KCND2: variants seen among roughly 807,000 people sequenced by gnomAD.
KCND2 encodes A-type voltage-gated potassium channel KCND2.
Under a neutral mutation model 54.4 loss-of-function variants are expected in KCND2, and 16 were observed. The observed-to-expected ratio is 0.29, with a 90% confidence interval of 0.20 to 0.45. The LOEUF is 0.45. Ranked by LOEUF, KCND2 falls within the 20% of genes least tolerant of loss-of-function variation. The pLI is 1.00. For synonymous variants in KCND2, 317 were observed against 310.7 expected, an observed-to-expected ratio of 1.02 and a Z score of -0.21; for missense variants, 486 against 824.2, an observed-to-expected ratio of 0.59 and a Z score of 5.02.
At chr7:120,500,223 G>C (rs773800281) in intron 1 of KCND2, among the ~76,000 whole-genome samples, 12 of 152,168 alleles carry the variant, frequency 7.9e-5, no homozygotes, top group Non-Finnish European at 1.2e-4. Context: ...TAGTCCAGAA[G>C]TGGGAAGTGA....
At chr7:120,348,547 G>A (rs1800357625) in intron 1 of KCND2, among the ~76,000 whole-genome samples, 1 of 152,108 alleles carries the variant, frequency 6.6e-6, no homozygotes, top group African/African-American at 2.4e-5. Context: ...CTTTATACAT[G>A]CAACATAGCT....
At chr7:120,629,383 G>A (rs560777046) in intron 1 of KCND2, among the ~76,000 whole-genome samples, 1 of 152,310 alleles carries the variant, frequency 6.6e-6, no homozygotes, top group East Asian at 1.9e-4. Context: ...CTACTCAAGA[G>A]GCTGAGGCAG....
At chr7:120,690,645 G>C (rs1296403288) in intron 1 of KCND2, among the ~76,000 whole-genome samples, 1 of 152,200 alleles carries the variant, frequency 6.6e-6, no homozygotes, top group Non-Finnish European at 1.5e-5. Flanking sequence ...ACAAGAGTTA[G>C]AATGCATTTT....
intron 1 of KCND2, among the ~76,000 whole-genome samples, chr7:120,440,273 C>T (rs961495383): frequency 2.0e-5 from 3 of 151,884 alleles, no homozygotes; most frequent in Non-Finnish European, 2.9e-5. Context: ...ATCTGTTGGC[C>T]ATTTGTATAT....
intron 1 of KCND2, among the ~76,000 whole-genome samples, chr7:120,469,099 A>C (rs1802418456): frequency 6.6e-6 from 1 of 152,098 alleles, no homozygotes. Context: ...ATATTTGAAA[A>C]TTAAATTGAA....
chr7:120,588,402 A>AGT (rs3993713), intron 1 of KCND2, among the ~76,000 whole-genome samples: 15,091 of 140,958 alleles, frequency 0.11, 786 homozygotes, highest in Middle Eastern at 0.15. Flanking sequence ...GCAACTGTGC[A>AGT]GTGTGTGTGT....
chr7:120,468,955 C>G (rs1802416773), intron 1 of KCND2, among the ~76,000 whole-genome samples: 1 of 152,032 alleles, frequency 6.6e-6, no homozygotes, highest in Non-Finnish European at 1.5e-5. Flanking sequence ...ATTTAGGAAA[C>G]ATGACATTTG....
intron 1 of KCND2, among the ~76,000 whole-genome samples, chr7:120,413,367 C>G (rs1801477718): frequency 6.6e-6 from 1 of 151,886 alleles, no homozygotes; most frequent in Non-Finnish European, 1.5e-5. Flanking sequence ...TCATCAAATA[C>G]TAACTAAACT....
Position 120,696,742 on chromosome 7 carries a change from C to A in KCND2, c.1116-36161C>A, listed in dbSNP as rs555220591. On this transcript the variant is annotated intron_variant, in intron 1 of 5. Coordinates refer to ENST00000331113, the MANE Select transcript of KCND2 (RefSeq NM_012281.3). ...GCTCTCTTGCTCTTGCGTTTTCTTG[C>A]CCTTCTGTCTTCTGCCTTAGAATGA... Among the ~76,000 whole-genome samples, 5 of 152,306 alleles carry A rather than the reference C, an allele frequency of 3.3e-5. No individual in the cohort carries two copies. The East Asian group carries it at 9.6e-4, about 29-fold the overall frequency.
intron 1 of KCND2, among the ~76,000 whole-genome samples, chr7:120,341,477 G>A (rs1044644702): frequency 2.0e-5 from 3 of 152,026 alleles, no homozygotes; most frequent in African/African-American, 4.8e-5. Context: ...AAAAATATGC[G>A]GGATCAATTG....
chr7:120,577,151 T>TAAC (rs144063132), intron 1 of KCND2, among the ~76,000 whole-genome samples: 2,111 of 151,116 alleles, frequency 0.014, 65 homozygotes, highest in African/African-American at 0.049. Context: ...TGTCTCCAAA[T>TAAC]AATAATAATA....
intron 1 of KCND2, among the ~76,000 whole-genome samples, chr7:120,677,724 C>T (rs765424167): frequency 1.3e-4 from 20 of 151,862 alleles, no homozygotes; most frequent in Admixed American, 3.9e-4. Context: ...TGAGACTTCG[C>T]CTCTGATGAT....
intron 1 of KCND2, among the ~76,000 whole-genome samples, chr7:120,467,222 A>G (rs950822078): frequency 6.6e-6 from 1 of 152,188 alleles, no homozygotes; most frequent in Non-Finnish European, 1.5e-5. Flanking sequence ...TCAGAGACAT[A>G]GGTTAGAGGA....
At chr7:120,374,078 A>G (rs17323788) in intron 1 of KCND2, among the ~76,000 whole-genome samples, 15,572 of 151,738 alleles carry the variant, frequency 0.1, 825 homozygotes, top group Admixed American at 0.13. Context: ...GCAGATTGAA[A>G]GTAATTCAAA....
chr7:120,395,558 C>A (rs747869883), intron 1 of KCND2, among the ~76,000 whole-genome samples: 10 of 151,994 alleles, frequency 6.6e-5, no homozygotes, highest in Non-Finnish European at 1.3e-4. Context: ...TGTTATTGAA[C>A]GGGTACTGCT....
intron 3 of KCND2, chr7:120,742,176 C>G (rs1157633880): frequency 6.5e-6 from 2 of 308,674 alleles, no homozygotes; most frequent in Non-Finnish European, 1.2e-5. Flanking sequence ...TGCACATGAT[C>G]GTGGTTTCAA....
At chr7:120,407,116 A>G (rs1801372705) in intron 1 of KCND2, among the ~76,000 whole-genome samples, 1 of 151,986 alleles carries the variant, frequency 6.6e-6, no homozygotes, top group African/African-American at 2.4e-5. Context: ...ATTAATGTGC[A>G]TTGTGAAACT....
chr7:120,621,762 G>T (rs1018709382), intron 1 of KCND2, among the ~76,000 whole-genome samples: 8 of 152,080 alleles, frequency 5.3e-5, no homozygotes, highest in Admixed American at 4.6e-4. Flanking sequence ...ACAAGAAGAG[G>T]AAACATTGCG....
intron 1 of KCND2, among the ~76,000 whole-genome samples, chr7:120,331,256 A>G (rs1800064744): frequency 6.6e-6 from 1 of 152,128 alleles, no homozygotes. Flanking sequence ...AGAAAAAGAA[A>G]ATCATTTTGA....
Sources: gnomAD v4.1 joint callset for allele counts (sites outside exome capture counted in the v4.1 genomes callset) on GRCh38, gnomAD v4.1.1 for gene constraint, MANE v1.5 for transcripts, NCBI Gene and HGNC (gene_info 2026-07-23, HGNC 2026-07-21) for gene names.